The following DLGAP1 variants were observed in gnomAD, a reference collection of about 807,000 sequenced individuals.
DLGAP1 encodes the protein disks large-associated protein 1.
DLGAP1 carries 11 observed loss-of-function variants against 90.8 expected under a neutral mutation model. The ratio of observed to expected loss-of-function variants is 0.12; its 90% CI spans 0.08 to 0.20. The LOEUF (loss-of-function observed/expected upper bound fraction) is 0.20, where lower values mean the gene tolerates loss of function less well. DLGAP1 is among the 10% of genes least tolerant of loss of function. The pLI is 1.00. For synonymous variants in DLGAP1, 558 were observed against 540.7 expected (o/e 1.03, Z -0.44); for missense variants, 1,050 against 1,333.8 (o/e 0.79, Z 3.31).
At chr18:3,562,451 C>T (rs1485250896) in intron 9 of DLGAP1, among the ~76,000 whole-genome samples, 1 of 151,758 alleles carries the variant, frequency 6.6e-6, no homozygotes, top group East Asian at 1.9e-4. Context: ...TGGGTCTTTC[C>T]CATGCTGTTC....
intron 2 of DLGAP1, among the ~76,000 whole-genome samples, chr18:4,052,645 C>T (rs1006221589): frequency 6.6e-6 from 1 of 152,212 alleles, no homozygotes; most frequent in African/African-American, 2.4e-5. Flanking sequence ...TAACATTTGA[C>T]TCCTCATTAC....
intron 6 of DLGAP1, among the ~76,000 whole-genome samples, chr18:3,736,736 C>T (rs1170423707): frequency 1.3e-5 from 2 of 152,056 alleles, no homozygotes; most frequent in Non-Finnish European, 2.9e-5. Flanking sequence ...TGTTACCATT[C>T]AAAAGCTAGC....
chr18:4,104,230 TATC>T (rs1243888260), intron 2 of DLGAP1, among the ~76,000 whole-genome samples: 1 of 152,150 alleles, frequency 6.6e-6, no homozygotes, highest in Non-Finnish European at 1.5e-5. Context: ...TTGACCACCT[TATC>T]TTCTTCTGTG....
chr18:3,519,035 C>T (rs146372711), intron 10 of DLGAP1, among the ~76,000 whole-genome samples: 179 of 152,238 alleles, frequency 1.2e-3, no homozygotes, highest in East Asian at 5.8e-3. Flanking sequence ...ATTTTAGTGC[C>T]TCTCTGTATA....
chr18:3,729,410 C>T lies in DLGAP1; in HGVS notation c.1351-35G>A. 4 of 1,590,444 alleles carry T rather than the reference C, an allele frequency of 2.5e-6. No homozygotes were observed. The South Asian group carries it at 4.5e-5, about 18-fold the overall frequency. On this transcript the variant is annotated intron_variant, in intron 6 of 12. Coordinates refer to ENST00000315677, the MANE Select transcript of DLGAP1 (RefSeq NM_004746.4). The surrounding 1 kb of genome is among the most constrained non-coding windows in gnomAD (Gnocchi z 6.2). ...GACACAGGCGTTGTGACACTCGCCT[C>T]CACCTGGTGGAGGATCAACCTCTCC...
At chr18:3,572,074 T>G (rs1430957156) in intron 8 of DLGAP1, among the ~76,000 whole-genome samples, 1 of 142,262 alleles carries the variant, frequency 7.0e-6, no homozygotes, top group Non-Finnish European at 1.5e-5. Flanking sequence ...TCTAGGTTTT[T>G]TTTTTTTTTT....
At chr18:3,600,733 T>TATAGAG (rs2056868295) in intron 7 of DLGAP1, among the ~76,000 whole-genome samples, 1 of 36,930 alleles carries the variant, frequency 2.7e-5, no homozygotes, top group Non-Finnish European at 4.6e-5. Flanking sequence ...GATATAGATA[T>TATAGAG]ATATAGATAT....
intron 3 of DLGAP1, among the ~76,000 whole-genome samples, chr18:3,927,736 G>C (rs2072423751): frequency 6.6e-6 from 1 of 152,150 alleles, no homozygotes; most frequent in African/African-American, 2.4e-5. Flanking sequence ...ATGGTAAACT[G>C]ATGGAAATAC....
intron 1 of DLGAP1, among the ~76,000 whole-genome samples, chr18:4,450,656 T>C (rs2083801149): frequency 6.6e-6 from 1 of 152,214 alleles, no homozygotes; most frequent in African/African-American, 2.4e-5. Context: ...CTGGCAAGAT[T>C]GAGCAGTTCC....
chr18:4,318,214 A>G (rs2080582652), intron 1 of DLGAP1, among the ~76,000 whole-genome samples: 1 of 152,212 alleles, frequency 6.6e-6, no homozygotes, highest in Non-Finnish European at 1.5e-5. Context: ...AAATGGCTCA[A>G]ATACTTCCCA....
chr18:3,683,850 G>A (rs2060606773), intron 7 of DLGAP1, among the ~76,000 whole-genome samples: 1 of 152,090 alleles, frequency 6.6e-6, no homozygotes, highest in Non-Finnish European at 1.5e-5. Flanking sequence ...CTAGAGGTAT[G>A]TTTTTTGGGA....
chr18:4,328,179 C>A (rs2143691220), intron 1 of DLGAP1, among the ~76,000 whole-genome samples: 1 of 152,076 alleles, frequency 6.6e-6, no homozygotes, highest in African/African-American at 2.4e-5. Flanking sequence ...ACTGAGAACT[C>A]CCAAGTATAT....
chr18:4,066,488 A>T (rs139925340), intron 2 of DLGAP1, among the ~76,000 whole-genome samples: 16,683 of 152,180 alleles, frequency 0.11, 1,001 homozygotes, highest in Non-Finnish European at 0.14. Flanking sequence ...CAAGAAAAAA[A>T]CAACCCCATT....
At chr18:4,386,544 T>C (rs2144372755) in intron 1 of DLGAP1, among the ~76,000 whole-genome samples, 1 of 152,282 alleles carries the variant, frequency 6.6e-6, no homozygotes, top group South Asian at 2.1e-4. Context: ...GATGTAACAG[T>C]TTTAAGTGAG....
At chr18:3,831,210 G>A (rs2068019090) in intron 4 of DLGAP1, among the ~76,000 whole-genome samples, 1 of 152,122 alleles carries the variant, frequency 6.6e-6, no homozygotes, top group African/African-American at 2.4e-5. Context: ...CCCCCAGCAG[G>A]GTCAACTGAA....
intron 2 of DLGAP1, among the ~76,000 whole-genome samples, chr18:4,058,624 C>A (rs979746950): frequency 1.3e-5 from 2 of 152,194 alleles, no homozygotes; most frequent in African/African-American, 4.8e-5. Flanking sequence ...CCAGAAGTTC[C>A]TTCTTTATGT....
intron 1 of DLGAP1, among the ~76,000 whole-genome samples, chr18:4,441,871 C>G (rs2083543165): frequency 6.6e-6 from 1 of 152,208 alleles, no homozygotes; most frequent in African/African-American, 2.4e-5. Flanking sequence ...TTGTCAGGCA[C>G]TGGGTTAGGC....
Position 3,534,448 on chromosome 18 carries a change from T to C in DLGAP1, c.2225A>G (p.Gln742Arg). 1 of 1,614,170 alleles carries C rather than the reference T, an allele frequency of 6.2e-7. No individual in the cohort carries two copies. The highest frequency in any genetic ancestry group is 8.5e-7 in the Non-Finnish European group (1 of 1,180,030). The change falls in exon 10 of 13, where the codon CAG becomes CGG. Residue 742 changes from glutamine (Q) to arginine (R), a missense_variant. Transcript: ENST00000315677. ...GGCATGGTAATGGTTTCCTGAGCCC[T>C]GAATGCTGACTGTGGAGGTGCTGGC... The part of the protein sequence containing the change: ...RDASTSTVSI[Q>R]GSGNHYHACA...
rs1451798262 is a variant in DLGAP1 at position 3,565,728 on chromosome 18, G to A, written c.2057+1762C>T. Among the ~76,000 whole-genome samples, 1 of 151,856 alleles carries A rather than the reference G, an allele frequency of 6.6e-6. No homozygotes were observed. The highest frequency in any genetic ancestry group is 1.5e-5 in the Non-Finnish European group (1 of 67,986). ...TCCGTGCCTGTAGTCCCAGCCACTC[G>A]GGAGGCTGAGTCAGGAGAACCGCTT... On this transcript the variant is annotated intron_variant, in intron 9 of 12. Coordinates refer to ENST00000315677, the MANE Select transcript of DLGAP1 (RefSeq NM_004746.4). The surrounding 1 kb of genome is among the most constrained non-coding windows in gnomAD (Gnocchi z 4.0).
Sources: allele counts gnomAD v4.1 joint callset (sites outside exome capture counted in the v4.1 genomes callset), GRCh38; gene constraint gnomAD v4.1.1; non-coding constraint Gnocchi (gnomAD v3.1); transcripts MANE v1.5; gene names NCBI Gene and HGNC (gene_info 2026-07-23, HGNC 2026-07-21).